Variants in IL13RA1 observed in about 807,000 individuals in gnomAD.
IL13RA1 encodes interleukin 13 receptor subunit alpha 1.
In IL13RA1, 14 loss-of-function variants were observed where a neutral mutation model predicts 33.8. That is an observed-to-expected ratio of 0.41 (90% CI 0.27 to 0.65). The LOEUF (loss-of-function observed/expected upper bound fraction) is 0.65. Ranked by LOEUF, IL13RA1 falls within the 30% of genes least tolerant of loss-of-function variation. IL13RA1 has a pLI of 0.28. For synonymous variants in IL13RA1, 116 were observed against 115.7 expected, an observed-to-expected ratio of 1.00 and a Z score of -0.02; for missense variants, 313 against 327.0, an observed-to-expected ratio of 0.96 and a Z score of 0.33.
intron 1 of IL13RA1, among the ~76,000 whole-genome samples, chrX:118,733,760 A>G (rs1195716324): frequency 1.8e-5 from 2 of 108,426 alleles, no homozygotes; most frequent in African/African-American, 6.6e-5. Context: ...TTAGTCTTAA[A>G]ATTTCAGTCT....
At chrX:118,771,750 G>T (rs1041129195) in intron 8 of IL13RA1, among the ~76,000 whole-genome samples, 3 of 111,991 alleles carry the variant, frequency 2.7e-5, no homozygotes, top group Non-Finnish European at 5.6e-5. Flanking sequence ...TGAGGCGGGT[G>T]GATCACTTGA....
In IL13RA1 at chrX:118,784,108, T is replaced by C. The variant is rs868662863; in HGVS notation, c.1191+7597T>C. Among the ~76,000 whole-genome samples, 125 of 47,052 alleles carry C rather than the reference T, an allele frequency of 2.7e-3. 4 individuals carry two copies. Among genetic ancestry groups the C allele is most frequent in the Admixed American group, 0.01 (23 of 2,253 alleles). 40.9% of individuals were successfully genotyped at this position (47,052 alleles called of 115,157 possible). ...AAAAAAAAATATATATATATATATA[T>C]ACGTATATATGTATATATATGTATA... On this transcript the variant is annotated intron_variant, in intron 10 of 10. Transcript: ENST00000371666.
At chrX:118,801,477 G>C in the IL13RA1 span, among the ~76,000 whole-genome samples, 1 of 111,485 alleles carries the variant, frequency 9.0e-6, no homozygotes, top group African/African-American at 3.3e-5. Flanking sequence ...TTATCTCTAG[G>C]ATTCCTATTA....
intron 6 of IL13RA1, among the ~76,000 whole-genome samples, chrX:118,765,927 G>A (rs1251139757): frequency 8.9e-6 from 1 of 112,135 alleles, no homozygotes; most frequent in Non-Finnish European, 1.9e-5. Flanking sequence ...CTCTTATGAA[G>A]TGCCTGTTCA....
In IL13RA1 at chrX:118,773,813, G is replaced by A; in HGVS notation, c.1010-66G>A. 5.1e-6 allele frequency: 3 copies of A among 589,923 alleles called. No homozygotes were observed. The Admixed American group carries it at 7.1e-5, about 14-fold the overall frequency. The allele number at this position is 589,923 out of a possible 1,213,427, so 48.6% of individuals were successfully genotyped here. A position where few individuals can be genotyped will look rare whatever the true frequency, so the allele number is the denominator to read the frequency against. ...TGTGATCTTACTAGCTAACAGAATTGCTGCTTGGTTTATTACTAAAAGGGT... is the reference window on the plus strand; with the variant it reads ...TGTGATCTTACTAGCTAACAGAATTACTGCTTGGTTTATTACTAAAAGGGT... On this transcript the variant is annotated intron_variant, in intron 8 of 10. Transcript: ENST00000371666.
intron 10 of IL13RA1, among the ~76,000 whole-genome samples, chrX:118,784,118 T>TACATATATAC (rs1491369585): frequency 4.7e-5 from 1 of 21,462 alleles, no homozygotes; most frequent in African/African-American, 1.7e-4. Flanking sequence ...TACGTATATA[T>TACATATATAC]GTATATATAT....
intron 1 of IL13RA1, chrX:118,738,211 ATTTT>A (rs938805822): frequency 9.0e-6 from 1 of 111,021 alleles, no homozygotes; most frequent in Admixed American, 9.6e-5. Flanking sequence ...AGAGGGAATG[ATTTT>A]TTTTATTTCA....
intron 10 of IL13RA1, among the ~76,000 whole-genome samples, chrX:118,791,183 G>A: frequency 8.9e-6 from 1 of 111,929 alleles, no homozygotes; most frequent in South Asian, 3.8e-4. Context: ...TTTACCATAA[G>A]AGACATGCTT....
intron 10 of IL13RA1, among the ~76,000 whole-genome samples, chrX:118,780,494 T>A (rs998498637): frequency 2.7e-5 from 3 of 111,661 alleles, no homozygotes; most frequent in African/African-American, 9.8e-5. Context: ...ATAAAAGAGG[T>A]TTAATTAGCT....
intron 2 of IL13RA1, 34 bp downstream of exon 2, chrX:118,741,190 T>C: frequency 6.5e-6 from 6 of 926,055 alleles, no homozygotes; most frequent in African/African-American, 1.9e-5. Flanking sequence ...ATTGATGAGG[T>C]AAAGTGAACA....
At chrX:118,743,127 A>C (rs1295852713) in intron 2 of IL13RA1, among the ~76,000 whole-genome samples, 4 of 111,664 alleles carry the variant, frequency 3.6e-5, no homozygotes, top group Non-Finnish European at 1.9e-5. Context: ...CCAGTCAGTG[A>C]TAGGAGATAT....
chrX:118,768,666 T>C (rs1027428560), intron 8 of IL13RA1, among the ~76,000 whole-genome samples: 1 of 109,926 alleles, frequency 9.1e-6, no homozygotes, highest in African/African-American at 3.5e-5. Flanking sequence ...AGTATCCTTA[T>C]AAAAAGAGAA....
chrX:118,793,505 C>T lies in IL13RA1; in HGVS notation c.*1651C>T, dbSNP rs1189988354. 9.0e-6 allele frequency: 1 copy of T among 111,302 alleles called. No individual in the cohort carries two copies. The highest frequency in any genetic ancestry group is 1.9e-5 in the Non-Finnish European group (1 of 53,076). 9.2% of individuals were successfully genotyped at this position (111,302 alleles called of 1,213,427 possible). A position where few individuals can be genotyped will look rare whatever the true frequency, so the allele number is the denominator to read the frequency against. On this transcript the variant is annotated 3_prime_UTR_variant, in exon 11 of 11. Transcript: ENST00000371666. ...GCTTTTGGGGGGCATATATTGGGTT[C>T]CATTCTCACCTATCCACACAACATA...
At chrX:118,768,641 G>C (rs2248999) in intron 8 of IL13RA1, among the ~76,000 whole-genome samples, 33,546 of 111,107 alleles carry the variant, frequency 0.3, 4,679 homozygotes, top group African/African-American at 0.52. Context: ...AAAGTGGACA[G>C]TTAATCTAAT....
intron 10 of IL13RA1, among the ~76,000 whole-genome samples, chrX:118,777,052 T>C (rs5957058): frequency 0.06 from 6,448 of 108,291 alleles, 512 homozygotes; most frequent in African/African-American, 0.2. Context: ...ATTAAATACA[T>C]TTATAAGTTG....
chrX:118,776,549 T>G (rs1569458611), intron 10 of IL13RA1, 38 bp downstream of exon 10: 2 of 480,251 alleles, frequency 4.2e-6, no homozygotes, highest in South Asian at 6.5e-5. Flanking sequence ...ATGTTTTTTT[T>G]TTTTTTTTTT....
At chrX:118,766,421 A>G (rs182723749) in intron 6 of IL13RA1, 109 bp from the exon 7 acceptor site, 4 of 434,482 alleles carry the variant, frequency 9.2e-6, no homozygotes, top group East Asian at 8.0e-5. Context: ...GTACCTGATC[A>G]TCTTTTAATG....
chrX:118,764,360 A>C (rs1323132456), intron 6 of IL13RA1, among the ~76,000 whole-genome samples: 2 of 110,170 alleles, frequency 1.8e-5, no homozygotes, highest in Non-Finnish European at 3.8e-5. Context: ...GAGATGGTCC[A>C]GGGGAGGAGG....
rs2017999895 is a variant in IL13RA1, at chrX:118,793,502, G to T, written c.*1648G>T. 1 of 111,106 alleles carries T rather than the reference G, an allele frequency of 9.0e-6. No homozygotes were observed. Among genetic ancestry groups the T allele is most frequent in the Admixed American group, 9.6e-5 (1 of 10,431 alleles). 9.2% of individuals were successfully genotyped at this position (111,106 alleles called of 1,213,427 possible). A position where few individuals can be genotyped will look rare whatever the true frequency, so the allele number is the denominator to read the frequency against. The stretch of plus-strand genomic sequence containing the variant: ...TATGCTTTTGGGGGGCATATATTGG[G>T]TTCCATTCTCACCTATCCACACAAC... On this transcript the variant is annotated 3_prime_UTR_variant, in exon 11 of 11. Transcript: ENST00000371666.
Sources: gnomAD v4.1 joint callset for allele counts (sites outside exome capture counted in the v4.1 genomes callset) on GRCh38, gnomAD v4.1.1 for gene constraint, MANE v1.5 for transcripts, NCBI Gene and HGNC (gene_info 2026-07-23, HGNC 2026-07-21) for gene names.